Variants in RABEP1 observed in about 807,000 individuals in gnomAD.
RABEP1 encodes the protein rab GTPase-binding effector protein 1.
RABEP1 carries 51 observed loss-of-function variants against 123.4 expected under a neutral mutation model. The ratio of observed to expected loss-of-function variants is 0.41; its 90% CI spans 0.33 to 0.52. The LOEUF (loss-of-function observed/expected upper bound fraction) is 0.52. Among genes scored for constraint, RABEP1 ranks in the 20% least tolerant of loss-of-function variants. RABEP1 has a pLI of 0.16. For synonymous variants in RABEP1, 347 were observed against 355.2 expected (o/e 0.98, Z 0.26); for missense variants, 888 against 996.3 (o/e 0.89, Z 1.46).
chr17:5,364,654 C>T (rs895617709), intron 10 of RABEP1, among the ~76,000 whole-genome samples: 5 of 150,808 alleles, frequency 3.3e-5, no homozygotes, highest in Admixed American at 2.0e-4. Flanking sequence ...ATCCCTTGAA[C>T]CCCAGGAGGT....
intron 15 of RABEP1, 165 bp downstream of exon 15, chr17:5,378,397 T>G: frequency 1.4e-6 from 1 of 704,546 alleles, no homozygotes; most frequent in East Asian, 2.7e-5. Flanking sequence ...GCTGGTGATT[T>G]ATTGAGAGTG....
At chr17:5,316,832 CAAAAAAA>C (rs55890740) in intron 2 of RABEP1, among the ~76,000 whole-genome samples, 2 of 67,176 alleles carry the variant, frequency 3.0e-5, no homozygotes, top group African/African-American at 5.9e-5. Flanking sequence ...GACTCTGTCT[CAAAAAAA>C]AAAAAAAAAA....
At chr17:5,312,399 C>T (rs572288405) in intron 2 of RABEP1, among the ~76,000 whole-genome samples, 53 of 152,288 alleles carry the variant, frequency 3.5e-4, no homozygotes, top group African/African-American at 1.3e-3. Flanking sequence ...GATCTGCCCG[C>T]CTCAGCCTCC....
intron 4 of RABEP1, among the ~76,000 whole-genome samples, chr17:5,335,991 T>C: frequency 6.6e-6 from 1 of 152,212 alleles, no homozygotes. Context: ...CCACATATTA[T>C]GTACCACATA....
At chr17:5,323,801 TATATATATATATCTAGGA>T (rs1567522159) in intron 2 of RABEP1, among the ~76,000 whole-genome samples, 8 of 109,486 alleles carry the variant, frequency 7.3e-5, no homozygotes, top group Non-Finnish European at 1.3e-4. Flanking sequence ...TATCTAGGAA[TATATATATATATCTAGGA>T]ATATATATAT....
Position 5,331,967 on chromosome 17 carries a change from A to G in RABEP1, c.182A>G (p.Asn61Ser). 1 of 1,614,002 alleles carries G rather than the reference A, an allele frequency of 6.2e-7. No homozygotes were observed. Among genetic ancestry groups the G allele is most frequent in the Non-Finnish European group, 8.5e-7 (1 of 1,179,930 alleles). ...LAKEEDLKRQ[N>S]AVLQAAQDDL... ...TCTCCAGAGGATCTGAAGAGGCAAA[A>G]TGCAGTATTACAAGCTGCACAAGAT... Residue 61 changes from asparagine (N) to serine (S), a missense_variant, in exon 3 of 18, where the codon AAT becomes AGT. Asn to Ser is a conservative substitution (Grantham distance 46, BLOSUM62 1). Coordinates refer to ENST00000537505, the MANE Select transcript of RABEP1 (RefSeq NM_004703.6).
At position 5,323,694 on chromosome 17, in the gene RABEP1, C is replaced by A. The variant is rs954798908; in HGVS notation, c.164-8255C>A. Among the ~76,000 whole-genome samples, 13 of 90,328 alleles carry A rather than the reference C, an allele frequency of 1.4e-4. 1 individual carries two copies. The highest frequency in any genetic ancestry group is 3.1e-4 in the East Asian group (1 of 3,200). The allele number at this position is 90,328 out of a possible 152,430, so 59.3% of individuals were successfully genotyped here. On this transcript the variant is annotated intron_variant, in intron 2 of 17. Transcript: ENST00000537505. The stretch of plus-strand genomic sequence containing the variant: ...TCATTGGTGATATATATATATATCT[C>A]TCTCTAGGAATATATATATATATCT...
At chr17:5,285,217 T>G (rs187854846) in intron 1 of RABEP1, among the ~76,000 whole-genome samples, 28 of 152,258 alleles carry the variant, frequency 1.8e-4, no homozygotes, top group Admixed American at 6.5e-4. Flanking sequence ...AAATGAAAAT[T>G]TTCTAATTTT....
At chr17:5,346,016 T>G (rs934516524) in intron 5 of RABEP1, among the ~76,000 whole-genome samples, 2 of 152,192 alleles carry the variant, frequency 1.3e-5, no homozygotes, top group South Asian at 4.1e-4. Context: ...ATTTTGAGTA[T>G]TACACTTAAT....
chr17:5,380,910 G>T (rs1387119782), intron 16 of RABEP1, among the ~76,000 whole-genome samples: 1 of 152,234 alleles, frequency 6.6e-6, no homozygotes, highest in Non-Finnish European at 1.5e-5. Flanking sequence ...AGACCTGAAA[G>T]TGCAGACAGT....
At chr17:5,360,727 T>G (rs1200012366) in intron 8 of RABEP1, among the ~76,000 whole-genome samples, 1 of 152,200 alleles carries the variant, frequency 6.6e-6, no homozygotes, top group African/African-American at 2.4e-5. Context: ...TTAATTATCA[T>G]TATACGATAG....
chr17:5,328,879 C>T lies in RABEP1; in HGVS notation c.164-3070C>T, dbSNP rs540164798. Among the ~76,000 whole-genome samples the T allele has an allele frequency of 1.4e-3, 196 of 144,436 alleles. 1 individual carries two copies. The highest frequency in any genetic ancestry group is 2.3e-3 in the Non-Finnish European group (151 of 66,198). The allele number at this position is 144,436 out of a possible 152,430, so 94.8% of individuals were successfully genotyped here. On this transcript the variant is annotated intron_variant, in intron 2 of 17. Coordinates refer to ENST00000537505, the MANE Select transcript of RABEP1 (RefSeq NM_004703.6). ...GGCAGGAGAATCACTTGAACCTGGGCGGCAGAGGTTGCGCCACTGCACTCC... is the reference window on the plus strand; with the variant it reads ...GGCAGGAGAATCACTTGAACCTGGGTGGCAGAGGTTGCGCCACTGCACTCC...
intron 13 of RABEP1, among the ~76,000 whole-genome samples, chr17:5,375,711 A>T (rs533562596): frequency 1.2e-3 from 167 of 143,930 alleles, no homozygotes; most frequent in African/African-American, 4.0e-3. Context: ...TGTCTCAATT[A>T]AAAAAAAAAA....
chr17:5,376,995 T>A, intron 13 of RABEP1, 121 bp from the exon 14 acceptor site: 1 of 1,054,564 alleles, frequency 9.5e-7, no homozygotes, highest in African/African-American at 1.6e-5. Context: ...GGCTTAATGG[T>A]CAAAGTCTTA....
intron 2 of RABEP1, among the ~76,000 whole-genome samples, chr17:5,316,855 A>AAAAAT (rs2075302656): frequency 7.2e-6 from 1 of 139,384 alleles, no homozygotes; most frequent in African/African-American, 2.7e-5. Context: ...AAAAAAAAAA[A>AAAAAT]ATATAAGAAA....
chr17:5,375,407 G>C (rs756802382), intron 13 of RABEP1, among the ~76,000 whole-genome samples: 2 of 152,074 alleles, frequency 1.3e-5, no homozygotes, highest in Middle Eastern at 3.4e-3. Context: ...AGAAGGTATC[G>C]GGGGCAGGGT....
At chr17:5,304,034 C>CAA (rs752985837) in intron 1 of RABEP1, among the ~76,000 whole-genome samples, 8 of 107,286 alleles carry the variant, frequency 7.5e-5, no homozygotes, top group South Asian at 2.6e-4. Flanking sequence ...AATTCCATCT[C>CAA]AAAAAAAAAA....
At position 5,361,745 on chromosome 17, in the gene RABEP1, G is replaced by A. The variant is rs191691527; in HGVS notation, c.1563+70G>A. On this transcript the variant is annotated intron_variant, in intron 9 of 17. Coordinates refer to ENST00000537505, the MANE Select transcript of RABEP1 (RefSeq NM_004703.6). ...ACACTGGGAAGCTCTGGGATTTAGC[G>A]TTCATTCAACAGACGGTTCCTGGAG... 1.9e-5 allele frequency: 25 copies of A among 1,338,614 alleles called. No homozygotes were observed. In the Admixed American group the frequency reaches 2.2e-4, roughly 12 times the overall value. 82.9% of individuals were successfully genotyped at this position (1,338,614 alleles called of 1,614,324 possible). A position where few individuals can be genotyped will look rare whatever the true frequency, so the allele number is the denominator to read the frequency against.
At chr17:5,354,154 AGTGTTCTTAGTTT>A (rs1908811231) in intron 7 of RABEP1, among the ~76,000 whole-genome samples, 192 bp from the exon 8 acceptor site, 1 of 152,074 alleles carries the variant, frequency 6.6e-6, no homozygotes, top group Non-Finnish European at 1.5e-5. Flanking sequence ...TCTTTATACC[AGTGTTCTTAGTTT>A]GTGCTTATAA....
Sources: gnomAD v4.1 joint callset for allele counts (sites outside exome capture counted in the v4.1 genomes callset) on GRCh38, gnomAD v4.1.1 for gene constraint, MANE v1.5 for transcripts, NCBI Gene and HGNC (gene_info 2026-07-23, HGNC 2026-07-21) for gene names.